The following PRELID2 variants were observed in gnomAD, a reference collection of about 807,000 sequenced individuals.
PRELID2 encodes PRELI domain-containing protein 2.
In PRELID2, 25 loss-of-function variants were observed where a neutral mutation model predicts 28.4. The ratio of observed to expected loss-of-function variants is 0.88; its 90% CI spans 0.64 to 1.23. The LOEUF (loss-of-function observed/expected upper bound fraction) is 1.23. Among genes scored for constraint, PRELID2 ranks in the 50% most tolerant of loss-of-function variants. The pLI is 0.00. For synonymous variants in PRELID2, 76 were observed against 71.6 expected, an observed-to-expected ratio of 1.06 and a Z score of -0.31; for missense variants, 201 against 214.4, an observed-to-expected ratio of 0.94 and a Z score of 0.39.
At chr5:145,695,946 T>C (rs1162489060) in intron 1 of PRELID2, among the ~76,000 whole-genome samples, 1 of 152,148 alleles carries the variant, frequency 6.6e-6, no homozygotes, top group African/African-American at 2.4e-5. Flanking sequence ...CTGGGGTCCA[T>C]TTTAGCTAAC....
chr5:145,830,504 C>A (rs1755513199), intron 1 of PRELID2, among the ~76,000 whole-genome samples: 2 of 152,206 alleles, frequency 1.3e-5, no homozygotes, highest in Admixed American at 1.3e-4. Context: ...CTACATTCAT[C>A]TATGCAACTT....
At chr5:145,286,996 C>T in the PRELID2 span, among the ~76,000 whole-genome samples, 27 of 152,256 alleles carry the variant, frequency 1.8e-4, no homozygotes, top group African/African-American at 6.5e-4. Context: ...AGGCGTGAGC[C>T]ACCGCGCCTG....
rs185043973 is a variant in PRELID2, at chr5:145,679,486, T to G, written n.70+85445A>C. On this transcript the variant is annotated intron_variant and non_coding_transcript_variant, in intron 1 of 2. Coordinates refer to the PRELID2 transcript ENST00000510259. ...ACTCTATTTTATTATTTTCATAGAGTTCATCACTATCTTGACTTATCATAA... is the reference window on the plus strand; with the variant it reads ...ACTCTATTTTATTATTTTCATAGAGGTCATCACTATCTTGACTTATCATAA... Among the ~76,000 whole-genome samples the G allele has an allele frequency of 1.7e-3, 264 of 152,116 alleles. 1 individual carries two copies. Among genetic ancestry groups the G allele is most frequent in the Admixed American group, 3.6e-3 (55 of 15,264 alleles).
At chr5:145,393,880 T>C in the PRELID2 span, among the ~76,000 whole-genome samples, 1 of 152,150 alleles carries the variant, frequency 6.6e-6, no homozygotes, top group East Asian at 1.9e-4. Context: ...TGTTTGTTGG[T>C]AAACCAGGCT....
the PRELID2 span, among the ~76,000 whole-genome samples, chr5:145,292,991 G>C: frequency 6.6e-6 from 1 of 152,070 alleles, no homozygotes; most frequent in African/African-American, 2.4e-5. Context: ...AAAGTGCTGG[G>C]ATTACAGGTG....
intron 5 of PRELID2, among the ~76,000 whole-genome samples, chr5:145,773,247 G>A (rs1046902766): frequency 1.8e-4 from 28 of 152,182 alleles, no homozygotes; most frequent in African/African-American, 6.5e-4. Context: ...CTGATTTAAA[G>A]AGATTTCCTG....
At chr5:145,714,708 G>T (rs1755795817) in intron 1 of PRELID2, among the ~76,000 whole-genome samples, 1 of 152,060 alleles carries the variant, frequency 6.6e-6, no homozygotes, top group Non-Finnish European at 1.5e-5. Flanking sequence ...AAGTCTCCTT[G>T]TTGCCAAATC....
intron 1 of PRELID2, among the ~76,000 whole-genome samples, chr5:145,616,863 C>G (rs1318110351): frequency 9.2e-5 from 14 of 152,118 alleles, no homozygotes; most frequent in Admixed American, 9.2e-4. Flanking sequence ...TCCTAGTAAG[C>G]CTGGGAGCGC....
intron 1 of PRELID2, among the ~76,000 whole-genome samples, chr5:145,483,612 T>C (rs532344503): frequency 6.6e-6 from 1 of 152,294 alleles, no homozygotes; most frequent in Non-Finnish European, 1.5e-5. Flanking sequence ...AGAGGTTGTA[T>C]TACCAACTTA....
intron 1 of PRELID2, among the ~76,000 whole-genome samples, chr5:145,492,234 G>A (rs1752275984): frequency 6.6e-6 from 1 of 152,080 alleles, no homozygotes; most frequent in Non-Finnish European, 1.5e-5. Context: ...ATGTGAGGTG[G>A]TATCTCATTG....
At chr5:145,777,927 G>T (rs1196745479) in intron 5 of PRELID2, among the ~76,000 whole-genome samples, 2 of 152,160 alleles carry the variant, frequency 1.3e-5, no homozygotes, top group African/African-American at 4.8e-5. Context: ...GCAACATCAG[G>T]GCCGAATCTG....
At chr5:145,600,434 A>AAAAATATATATATATATAT (rs1315631607) in intron 1 of PRELID2, among the ~76,000 whole-genome samples, 2 of 120,098 alleles carry the variant, frequency 1.7e-5, no homozygotes, top group African/African-American at 8.1e-5. Context: ...AAAAAAAAAA[A>AAAAATATATATATATATAT]ATATATATAT....
At chr5:145,492,643 A>G (rs1216516359) in intron 1 of PRELID2, among the ~76,000 whole-genome samples, 1 of 141,388 alleles carries the variant, frequency 7.1e-6, no homozygotes, top group Non-Finnish European at 1.6e-5. Flanking sequence ...AAAGTTTCAC[A>G]GTTTTGAGTC....
chr5:145,626,345 T>G (rs1018636711), intron 1 of PRELID2, among the ~76,000 whole-genome samples: 4 of 151,908 alleles, frequency 2.6e-5, no homozygotes, highest in Non-Finnish European at 4.4e-5. Flanking sequence ...AAAAACATAA[T>G]AATCCTATTT....
At chr5:145,413,080 C>T in the PRELID2 span, among the ~76,000 whole-genome samples, 23 of 152,178 alleles carry the variant, frequency 1.5e-4, no homozygotes, top group African/African-American at 5.1e-4. Flanking sequence ...CAAACCATAT[C>T]ACTATGCATC....
chr5:145,570,813 C>T (rs998180956), intron 1 of PRELID2, among the ~76,000 whole-genome samples: 3 of 152,142 alleles, frequency 2.0e-5, no homozygotes, highest in Non-Finnish European at 4.4e-5. Context: ...CAGAATAAGT[C>T]AAGTCATAAC....
chr5:145,640,168 C>T (rs994438725), intron 1 of PRELID2, among the ~76,000 whole-genome samples: 13 of 152,210 alleles, frequency 8.5e-5, no homozygotes, highest in African/African-American at 2.9e-4. Flanking sequence ...AGGTGAAACC[C>T]CGTCTGTACT....
chr5:145,384,511 T>C, the PRELID2 span, among the ~76,000 whole-genome samples: 1 of 152,184 alleles, frequency 6.6e-6, no homozygotes, highest in South Asian at 2.1e-4. Flanking sequence ...AATGAAAGGT[T>C]TCATACTGTA....
chr5:145,300,364 G>A, the PRELID2 span, among the ~76,000 whole-genome samples: 1 of 151,888 alleles, frequency 6.6e-6, no homozygotes, highest in Non-Finnish European at 1.5e-5. Flanking sequence ...ATTCTACAGG[G>A]GCTCATTCCT....
Sources: gnomAD v4.1 joint callset for allele counts (sites outside exome capture counted in the v4.1 genomes callset) on GRCh38, gnomAD v4.1.1 for gene constraint, MANE v1.5 for transcripts, NCBI Gene and HGNC (gene_info 2026-07-23, HGNC 2026-07-21) for gene names.